The following HMGCLL1 variants were observed in gnomAD, a reference collection of about 807,000 sequenced individuals.
HMGCLL1 encodes the protein 3-hydroxy-3-methylglutaryl-CoA lyase like 1, also known as 3-hydroxymethyl-3-methylglutaryl-CoA lyase, cytoplasmic.
Under a neutral mutation model 39.1 loss-of-function variants are expected in HMGCLL1, and 36 were observed. The ratio of observed to expected loss-of-function variants is 0.92; its 90% CI spans 0.71 to 1.22. The LOEUF (loss-of-function observed/expected upper bound fraction) is 1.22, where lower values mean the gene tolerates loss of function less well. HMGCLL1 is among the 50% of genes most tolerant of loss of function. The probability of loss-of-function intolerance (pLI) is 0.00; values close to 1 mark genes in which losing one functional copy is unlikely to be tolerated. For missense variants in HMGCLL1, 451 were observed against 416.5 expected (o/e 1.08, Z -0.72); for synonymous variants, 149 against 144.0 (o/e 1.03, Z -0.25).
At chr6:55,477,275 AT>A (rs1765416518) in intron 7 of HMGCLL1, among the ~76,000 whole-genome samples, 5 of 17,872 alleles carry the variant, frequency 2.8e-4, no homozygotes, top group African/African-American at 2.6e-3. Context: ...TATAATATAT[AT>A]TATATATTAT....
intron 7 of HMGCLL1, among the ~76,000 whole-genome samples, chr6:55,448,751 C>T (rs556954162): frequency 6.6e-6 from 1 of 152,226 alleles, no homozygotes; most frequent in Non-Finnish European, 1.5e-5. Context: ...AATAATTAGA[C>T]CAGTGCTCCT....
At chr6:55,495,306 T>C in intron 7 of HMGCLL1, 113 bp downstream of exon 7, 2 of 862,162 alleles carry the variant, frequency 2.3e-6, no homozygotes, top group East Asian at 2.9e-5. Flanking sequence ...TGGTTAAAAT[T>C]AGATTCATAA....
the HMGCLL1 span, among the ~76,000 whole-genome samples, chr6:55,589,432 C>T: frequency 1.8e-4 from 28 of 152,180 alleles, no homozygotes; most frequent in East Asian, 4.8e-3. Flanking sequence ...TATGACAAAC[C>T]CACAGCCAGT....
At chr6:55,601,898 T>G in the HMGCLL1 span, among the ~76,000 whole-genome samples, 1 of 152,102 alleles carries the variant, frequency 6.6e-6, no homozygotes, top group African/African-American at 2.4e-5. Flanking sequence ...CTCTTCTATT[T>G]TTTAGAAATT....
At chr6:55,622,892 G>T in the HMGCLL1 span, among the ~76,000 whole-genome samples, 1,189 of 151,942 alleles carry the variant, frequency 7.8e-3, 29 homozygotes, top group Admixed American at 0.043. Context: ...TTGGGTCCTG[G>T]GCTTTTCTTT....
intron 1 of HMGCLL1, among the ~76,000 whole-genome samples, chr6:55,549,602 C>T (rs1344415959): frequency 6.6e-6 from 1 of 151,848 alleles, no homozygotes. Flanking sequence ...TATTAAAATG[C>T]ATAAATTGTC....
the HMGCLL1 span, among the ~76,000 whole-genome samples, chr6:55,596,077 C>T: frequency 1.3e-5 from 2 of 152,198 alleles, no homozygotes; most frequent in East Asian, 3.9e-4. Context: ...GTAATCCCAG[C>T]TCTTTGGGAG....
chr6:55,511,026 A>G (rs1204519659), intron 5 of HMGCLL1, among the ~76,000 whole-genome samples: 1 of 151,932 alleles, frequency 6.6e-6, no homozygotes, highest in African/African-American at 2.4e-5. Flanking sequence ...TTAAAGTACT[A>G]CTTCATATCT....
chr6:55,607,871 G>C, the HMGCLL1 span, among the ~76,000 whole-genome samples: 2 of 152,118 alleles, frequency 1.3e-5, no homozygotes, highest in East Asian at 3.9e-4. Context: ...AAATATTTGT[G>C]AGTTGAAGAA....
At chr6:55,449,460 AAC>A (rs1186937119) in intron 7 of HMGCLL1, among the ~76,000 whole-genome samples, 1 of 152,226 alleles carries the variant, frequency 6.6e-6, no homozygotes, top group Non-Finnish European at 1.5e-5. Context: ...ATTTACCAGG[AAC>A]ATGTGTGGTG....
At chr6:55,444,143 G>T (rs1360696796) in intron 7 of HMGCLL1, among the ~76,000 whole-genome samples, 1 of 152,038 alleles carries the variant, frequency 6.6e-6, no homozygotes, top group Non-Finnish European at 1.5e-5. Context: ...ATGACAAAGG[G>T]AGTGTTATTG....
chr6:55,622,949 G>T, the HMGCLL1 span, among the ~76,000 whole-genome samples: 1 of 152,010 alleles, frequency 6.6e-6, no homozygotes, highest in African/African-American at 2.4e-5. Context: ...CTTGATATCA[G>T]TTCATTCAGG....
chr6:55,508,914 T>C (rs886386497), intron 5 of HMGCLL1, among the ~76,000 whole-genome samples: 1 of 151,218 alleles, frequency 6.6e-6, no homozygotes, highest in East Asian at 1.9e-4. Context: ...GAAAAAGTAT[T>C]AATGCTAATT....
At chr6:55,604,847 G>A in the HMGCLL1 span, among the ~76,000 whole-genome samples, 1 of 152,092 alleles carries the variant, frequency 6.6e-6, no homozygotes, top group African/African-American at 2.4e-5. Flanking sequence ...TACATTACAG[G>A]GAATATTGTA....
the HMGCLL1 span, among the ~76,000 whole-genome samples, chr6:55,585,914 T>G: frequency 6.6e-6 from 1 of 152,180 alleles, no homozygotes; most frequent in Non-Finnish European, 1.5e-5. Flanking sequence ...ATAACTAAAA[T>G]AAAAGAATGC....
intron 3 of HMGCLL1, among the ~76,000 whole-genome samples, chr6:55,519,413 T>C (rs1235699202): frequency 6.6e-6 from 1 of 152,138 alleles, no homozygotes; most frequent in Non-Finnish European, 1.5e-5. Flanking sequence ...CACCATTTTA[T>C]AGCCTTCCTT....
chr6:55,562,204 A>G (rs1770982652), intron 1 of HMGCLL1, among the ~76,000 whole-genome samples: 1 of 152,180 alleles, frequency 6.6e-6, no homozygotes, highest in South Asian at 2.1e-4. Context: ...TAGTTTAGAT[A>G]TATTCCAAGT....
At chr6:55,444,168 C>G (rs1457140962) in intron 7 of HMGCLL1, among the ~76,000 whole-genome samples, 1 of 151,982 alleles carries the variant, frequency 6.6e-6, no homozygotes, top group Admixed American at 6.6e-5. Context: ...TGAAGGTAAA[C>G]AGTCAAACCT....
intron 1 of HMGCLL1, among the ~76,000 whole-genome samples, chr6:55,548,768 G>T (rs1237245373): frequency 6.6e-6 from 1 of 151,590 alleles, no homozygotes; most frequent in Non-Finnish European, 1.5e-5. Flanking sequence ...ATAGATAATA[G>T]TAAGTAGATT....
Sources: allele counts gnomAD v4.1 joint callset (sites outside exome capture counted in the v4.1 genomes callset), GRCh38; gene constraint gnomAD v4.1.1; transcripts MANE v1.5; gene names NCBI Gene and HGNC (gene_info 2026-07-23, HGNC 2026-07-21).